Variants in PDPR observed in about 807,000 individuals in gnomAD.
PDPR encodes the protein pyruvate dehydrogenase phosphatase regulatory subunit, mitochondrial.
A neutral mutation model predicts 102.2 loss-of-function variants in PDPR; 50 were observed. The ratio of observed to expected loss-of-function variants is 0.49; its 90% CI spans 0.39 to 0.62. The LOEUF (loss-of-function observed/expected upper bound fraction) is 0.62, where lower values mean the gene tolerates loss of function less well. Ranked by LOEUF, PDPR falls within the 20% of genes least tolerant of loss-of-function variation. The probability of loss-of-function intolerance (pLI) is 0.00; values close to 1 mark genes in which losing one functional copy is unlikely to be tolerated. For synonymous variants in PDPR, 259 were observed against 406.0 expected (o/e 0.64, Z 4.35); for missense variants, 625 against 1,098.2 (o/e 0.57, Z 6.09).
chr16:70,125,351 G>C lies in PDPR; in HGVS notation c.228-1909G>C, dbSNP rs541406828. Among the ~76,000 whole-genome samples, 57 of 152,118 alleles carry C rather than the reference G, an allele frequency of 3.7e-4. No homozygotes were observed. The South Asian group carries it at 0.012, about 31-fold the overall frequency. ...AGATTGTGCCATTGCACTCCAATCTGAGTGACGAGCAAAACTCCGTCTCTA... is the reference window on the plus strand; with the variant it reads ...AGATTGTGCCATTGCACTCCAATCTCAGTGACGAGCAAAACTCCGTCTCTA... On this transcript the variant is annotated intron_variant, in intron 3 of 18. Coordinates refer to ENST00000288050, the MANE Select transcript of PDPR (RefSeq NM_017990.5).
At position 70,153,432 on chromosome 16, in the gene PDPR, G is replaced by A; in HGVS notation, c.2094G>A (p.Gln698=). The change falls in exon 18 of 19, where the codon CAG becomes CAA. Residue 698 remains glutamine, a synonymous_variant. Coordinates refer to ENST00000288050, the MANE Select transcript of PDPR (RefSeq NM_017990.5). ...ACAATGAAGTGATGAGTGTTGGCCAGAAATACGGAATCCGGAATGCTGGGT... is the reference window on the plus strand; with the variant it reads ...ACAATGAAGTGATGAGTGTTGGCCAAAAATACGGAATCCGGAATGCTGGGT... ...HVYNEVMSVG[Q]KYGIRNAGYY... 1 of 1,613,974 alleles carries A rather than the reference G, an allele frequency of 6.2e-7. No homozygotes were observed. The highest frequency in any genetic ancestry group is 1.1e-5 in the South Asian group (1 of 91,050).
intron 4 of PDPR, among the ~76,000 whole-genome samples, chr16:70,128,089 C>T (rs1372082234): frequency 1.3e-5 from 2 of 152,250 alleles, no homozygotes; most frequent in Non-Finnish European, 2.9e-5. Flanking sequence ...AGGGAGAATC[C>T]GACCCTTGGT....
chr16:70,146,260 G>A, intron 16 of PDPR, 32 bp downstream of exon 16: 9 of 1,613,360 alleles, frequency 5.6e-6, no homozygotes, highest in Non-Finnish European at 6.8e-6. Flanking sequence ...TTTCTTAAAT[G>A]GGCAGAGAAT....
intron 3 of PDPR, among the ~76,000 whole-genome samples, chr16:70,123,737 CTATT>C (rs1963605693): frequency 6.6e-6 from 1 of 152,248 alleles, no homozygotes; most frequent in Non-Finnish European, 1.5e-5. Context: ...ATAAGGCAGA[CTATT>C]TAAACCTCAC....
At chr16:70,124,357 T>C (rs1963698127) in intron 3 of PDPR, among the ~76,000 whole-genome samples, 1 of 152,380 alleles carries the variant, frequency 6.6e-6, no homozygotes, top group African/African-American at 2.4e-5. Context: ...AGTGAGACTG[T>C]CTCAAAAAAT....
At chr16:70,149,471 G>T (rs1190761204) in intron 17 of PDPR, among the ~76,000 whole-genome samples, 2 of 152,100 alleles carry the variant, frequency 1.3e-5, no homozygotes, top group Non-Finnish European at 2.9e-5. Flanking sequence ...TCACCATGTT[G>T]CCCAGGCTTG....
rs542456853 is a variant in PDPR, at chr16:70,157,692, A to G, written c.*813A>G. On this transcript the variant is annotated 3_prime_UTR_variant, in exon 19 of 19. Coordinates refer to ENST00000288050, the MANE Select transcript of PDPR (RefSeq NM_017990.5). ...CCTTGTGTGTTGCTTTTCCCAGTCA[A>G]AAGGGTCTGACCTTAGAAAGTCCCC... 85 of 162,088 alleles carry G rather than the reference A, an allele frequency of 5.2e-4. No homozygotes were observed. The highest frequency in any genetic ancestry group is 1.1e-3 in the Non-Finnish European group (80 of 73,792). The allele number at this position is 162,088 out of a possible 1,614,324, so 10.0% of individuals were successfully genotyped here.
At position 70,114,856 on chromosome 16, in the gene PDPR, G is replaced by T. The variant is rs1334395662; in HGVS notation, c.-107G>T. The T allele has an allele frequency of 6.6e-6, 1 of 152,332 alleles. No individual in the cohort carries two copies. Among genetic ancestry groups the T allele is most frequent in the Non-Finnish European group, 1.5e-5 (1 of 68,134 alleles). 9.4% of individuals were successfully genotyped at this position (152,332 alleles called of 1,614,324 possible). ...TTTCCCGCGTTGAGACGTGCGGTCC[G>T]CTTGTGCTTTTAGAACTAAAGACTG... On this transcript the variant is annotated 5_prime_UTR_variant, in exon 2 of 19. Transcript: ENST00000288050.
intron 3 of PDPR, among the ~76,000 whole-genome samples, chr16:70,123,987 G>A (rs7200164): frequency 0.045 from 6,757 of 150,264 alleles, 167 homozygotes; most frequent in African/African-American, 0.16. Flanking sequence ...TCCAGGAGGC[G>A]GAGGATGCAG....
intron 18 of PDPR, 187 bp from the exon 19 acceptor site, chr16:70,156,288 C>T: frequency 1.4e-6 from 1 of 694,428 alleles, no homozygotes; most frequent in South Asian, 2.2e-5. Flanking sequence ...ACCGCGGCGT[C>T]TTTTATATTT....
rs56353884 is a variant in PDPR at position 70,161,281 on chromosome 16, C to CAA, written c.*4420_*4421dup. 0.052 allele frequency: 6,802 copies of CAA among 130,002 alleles called. 31 individuals are homozygous for CAA. The highest frequency in any genetic ancestry group is 0.098 in the Middle Eastern group (23 of 234). 8.1% of individuals were successfully genotyped at this position (130,002 alleles called of 1,614,324 possible). The stretch of plus-strand genomic sequence containing the variant: ...GGGTAACAGAGTGAGACTCTTGTCT[C>CAA]AAAAAAAAAAAAAAAAAAATCTAAG... On this transcript the variant is annotated 3_prime_UTR_variant, in exon 19 of 19. Transcript: ENST00000288050.
intron 3 of PDPR, among the ~76,000 whole-genome samples, chr16:70,125,575 GTA>G (rs60529473): frequency 0.09 from 12,182 of 135,012 alleles, 3 homozygotes; most frequent in African/African-American, 0.11. Flanking sequence ...AAAAAAAAAA[GTA>G]TATATATATA....
intron 11 of PDPR, among the ~76,000 whole-genome samples, 157 bp downstream of exon 11, chr16:70,139,180 A>G (rs978100970): frequency 3.3e-5 from 5 of 152,240 alleles, no homozygotes; most frequent in African/African-American, 7.2e-5. Flanking sequence ...AAGGGGCTTT[A>G]TGCTCCTCAT....
chr16:70,132,432 G>A, intron 9 of PDPR, 132 bp downstream of exon 9: 1 of 827,066 alleles, frequency 1.2e-6, no homozygotes, highest in Non-Finnish European at 1.9e-6. Flanking sequence ...GGTTACAGAG[G>A]GTGAGTTTGC....
At chr16:70,151,299 C>G (rs1036676768) in intron 17 of PDPR, among the ~76,000 whole-genome samples, 9 of 152,350 alleles carry the variant, frequency 5.9e-5, no homozygotes, top group Middle Eastern at 3.4e-3. Flanking sequence ...CTAACTCCAG[C>G]CTCAAATGAT....
chr16:70,155,208 AAT>A (rs1411519453), intron 18 of PDPR, among the ~76,000 whole-genome samples: 4 of 152,154 alleles, frequency 2.6e-5, no homozygotes, highest in Admixed American at 1.3e-4. Context: ...AAAAAAAGGT[AAT>A]AACCCATTTT....
chr16:70,117,408 C>G (rs1310933080), intron 2 of PDPR, among the ~76,000 whole-genome samples: 1 of 150,610 alleles, frequency 6.6e-6, no homozygotes. Context: ...GTCCCAGCTA[C>G]TCAGGAGGCT....
rs79911557 is a variant in PDPR, at chr16:70,126,867, A to G, written c.228-393A>G. Among the ~76,000 whole-genome samples the G allele has an allele frequency of 4.3e-3, 647 of 152,096 alleles. 1 individual carries two copies. Among genetic ancestry groups the G allele is most frequent in the African/African-American group, 0.015 (610 of 41,394 alleles). On this transcript the variant is annotated intron_variant, in intron 3 of 18. Transcript: ENST00000288050. ...TTAAATCTGTCCCATGTCATTGAAC[A>G]TTTTTCTCACCCTGTTGCCCAAGCT...
Position 70,153,504 on chromosome 16 carries a change from G to A in PDPR, c.2166G>A (p.Trp722Ter), listed in dbSNP as rs1966850736. ...GAATTGAGAAGTTTTTTGCCTTCTG[G>A]GGTCAGGATATAAATAACCTCACCA... is the stretch of plus-strand genomic sequence containing the variant. ...SLRIEKFFAF[W>*]GQDINNLTTP... Residue 722 changes from tryptophan to a stop codon, truncating the protein, a stop_gained, in exon 18 of 19, where the codon TGG becomes TGA. Coordinates refer to ENST00000288050, the MANE Select transcript of PDPR (RefSeq NM_017990.5). LOFTEE classifies it high-confidence loss of function. 1.2e-6 allele frequency: 2 copies of A among 1,612,892 alleles called. No homozygotes were observed. The highest frequency in any genetic ancestry group is 1.3e-5 in the African/African-American group (1 of 75,054).
Sources: allele counts gnomAD v4.1 joint callset (sites outside exome capture counted in the v4.1 genomes callset), GRCh38; gene constraint gnomAD v4.1.1; transcripts MANE v1.5; gene names NCBI Gene and HGNC (gene_info 2026-07-23, HGNC 2026-07-21).